Variants in WNK1 observed in about 807,000 individuals in gnomAD.
WNK1 encodes the protein serine/threonine-protein kinase WNK1.
Under a neutral mutation model 222.8 loss-of-function variants are expected in WNK1, and 38 were observed. The observed-to-expected ratio is 0.17, with a 90% CI of 0.13 to 0.22. The LOEUF is 0.22. Ranked by LOEUF, WNK1 falls within the 10% of genes least tolerant of loss-of-function variation. The pLI is 1.00. For missense variants in WNK1, 2,348 were observed against 2,918.4 expected, an observed-to-expected ratio of 0.80 and a Z score of 4.50; for synonymous variants, 1,090 against 1,092.9, an observed-to-expected ratio of 1.00 and a Z score of 0.05.
In WNK1 at chr12:798,284, C is replaced by T. The variant is rs191447457; in HGVS notation, c.760-15358C>T. Among the ~76,000 whole-genome samples the T allele has an allele frequency of 4.9e-3, 749 of 152,026 alleles. 10 individuals carry two copies. The highest frequency in any genetic ancestry group is 0.017 in the African/African-American group (720 of 41,488). On this transcript the variant is annotated intron_variant, in intron 1 of 27. Transcript: ENST00000315939. ...TCGGCTCACTGCAACCTCCGCCTCC[C>T]GGGTTCACGCCATTCTCCCACCTCA...
intron 1 of WNK1, among the ~76,000 whole-genome samples, chr12:786,152 A>C (rs1184931712): frequency 6.6e-6 from 1 of 152,170 alleles, no homozygotes; most frequent in Non-Finnish European, 1.5e-5. Flanking sequence ...TGTATTTGTT[A>C]ATTGTATTGC....
chr12:840,706 C>T (rs1949562521), intron 4 of WNK1, among the ~76,000 whole-genome samples: 3 of 152,150 alleles, frequency 2.0e-5, no homozygotes. Context: ...CATATGTCAC[C>T]AGAACTTTGT....
At chr12:886,502 A>G (rs1298225830) in intron 19 of WNK1, among the ~76,000 whole-genome samples, 1 of 152,190 alleles carries the variant, frequency 6.6e-6, no homozygotes, top group Admixed American at 6.5e-5. Context: ...ACAGTTGTAC[A>G]GTTTGGGGGT....
At chr12:887,580 G>T (rs1450330147) in intron 20 of WNK1, among the ~76,000 whole-genome samples, 1 of 151,958 alleles carries the variant, frequency 6.6e-6, no homozygotes, top group Non-Finnish European at 1.5e-5. Flanking sequence ...CAAACATTTT[G>T]TCAGACCCAT....
chr12:758,222 T>C (rs1940465939), intron 1 of WNK1, among the ~76,000 whole-genome samples: 1 of 146,038 alleles, frequency 6.8e-6, no homozygotes, highest in Admixed American at 6.8e-5. Flanking sequence ...GAAGCTCCAA[T>C]ATACTTAACT....
At chr12:816,068 A>G (rs2154014021) in intron 2 of WNK1, among the ~76,000 whole-genome samples, 1 of 152,318 alleles carries the variant, frequency 6.6e-6, no homozygotes, top group Non-Finnish European at 1.5e-5. Flanking sequence ...CCTTAGAACT[A>G]GGTAGAGAGG....
intron 2 of WNK1, among the ~76,000 whole-genome samples, chr12:815,131 G>C (rs1170424059): frequency 6.6e-6 from 1 of 152,148 alleles, no homozygotes; most frequent in Non-Finnish European, 1.5e-5. Context: ...CTCACCTCCT[G>C]CTGTGTGGCC....
At chr12:845,036 C>G (rs1444997854) in intron 4 of WNK1, among the ~76,000 whole-genome samples, 10 of 149,320 alleles carry the variant, frequency 6.7e-5, no homozygotes, top group Non-Finnish European at 1.0e-4. Flanking sequence ...GCTGGGACTA[C>G]AGGCGCCCGC....
rs1366206953 is a variant in WNK1, at chr12:894,550, T to TA, written c.5510-11dup. 5.0e-6 allele frequency: 8 copies of TA among 1,611,336 alleles called. No homozygotes were observed. Among genetic ancestry groups the TA allele is most frequent in the Non-Finnish European group, 6.8e-6 (8 of 1,177,650 alleles). The stretch of plus-strand genomic sequence containing the variant: ...GACACTTATGTTTTCCTCATCCATG[T>TA]ATTTGTTTCAGTTTCTCAAGTCAAA... On this transcript the variant is annotated splice_polypyrimidine_tract_variant and intron_variant, in intron 22 of 27. Transcript: ENST00000315939.
At chr12:828,799 C>A (rs1286494315) in intron 3 of WNK1, among the ~76,000 whole-genome samples, 1 of 152,140 alleles carries the variant, frequency 6.6e-6, no homozygotes, top group Non-Finnish European at 1.5e-5. Context: ...AACTTGAGGT[C>A]TTCATAAACA....
At chr12:873,325 G>A (rs895816120) in intron 9 of WNK1, among the ~76,000 whole-genome samples, 1 of 151,862 alleles carries the variant, frequency 6.6e-6, no homozygotes, top group East Asian at 1.9e-4. Flanking sequence ...AAAGAAGAGA[G>A]CAGTACCATA....
chr12:833,014 C>CTT (rs71051394), intron 4 of WNK1, among the ~76,000 whole-genome samples: 8 of 147,130 alleles, frequency 5.4e-5, no homozygotes, highest in Non-Finnish European at 9.0e-5. Flanking sequence ...TACATTCTCT[C>CTT]TTTTTTTTTT....
At position 911,266 on chromosome 12, in the gene WNK1, A is replaced by G. The variant is rs11571496; in HGVS notation, c.*2474A>G. The G allele has an allele frequency of 2.7e-3, 1,057 of 398,622 alleles. 4 individuals are homozygous for G. Among genetic ancestry groups the G allele is most frequent in the African/African-American group, 0.019 (913 of 48,750 alleles). 24.7% of individuals were successfully genotyped at this position (398,622 alleles called of 1,614,324 possible). ...AATGTTTTCCTTACATTATTTAACA[A>G]TGTACACTGTTAAAAATAAAAATAA... is the stretch of plus-strand genomic sequence containing the variant. On this transcript the variant is annotated 3_prime_UTR_variant, in exon 28 of 28. Transcript: ENST00000315939.
intron 22 of WNK1, 121 bp from the exon 23 acceptor site, chr12:894,441 C>A: frequency 3.6e-6 from 3 of 824,584 alleles, no homozygotes; most frequent in East Asian, 2.6e-5. Context: ...TAAGGAAGTT[C>A]TCTTTGCCTC....
chr12:882,506 C>T (rs1459821385), intron 14 of WNK1, among the ~76,000 whole-genome samples: 1 of 152,168 alleles, frequency 6.6e-6, no homozygotes, highest in African/African-American at 2.4e-5. Context: ...ATATAGTACT[C>T]TTCTCATTTC....
chr12:783,394 CT>C (rs1279321392), intron 1 of WNK1, among the ~76,000 whole-genome samples: 1 of 151,958 alleles, frequency 6.6e-6, no homozygotes, highest in African/African-American at 2.4e-5. Flanking sequence ...ACATACATGC[CT>C]GAATCCCAGC....
In WNK1 at chr12:754,309, C is replaced by T; in HGVS notation, c.744C>T (p.Ala248=). Residue 248 remains alanine (A), a synonymous_variant, in exon 1 of 28, where the codon GCC becomes GCT. Coordinates refer to ENST00000315939, the MANE Select transcript of WNK1 (RefSeq NM_018979.4). The part of the protein sequence containing the change: ...GLDTETTVEV[A]WCELQDRKLT... The stretch of plus-strand genomic sequence containing the variant: ...ACACTGAAACCACCGTGGAAGTCGC[C>T]TGGTGTGAACTGCAGGTAAAGCCCC... 1 of 1,613,358 alleles carries T rather than the reference C, an allele frequency of 6.2e-7. No individual in the cohort carries two copies. Among genetic ancestry groups the T allele is most frequent in the African/African-American group, 1.3e-5 (1 of 74,932 alleles).
chr12:854,179 G>C (rs532516544), intron 4 of WNK1, among the ~76,000 whole-genome samples: 85 of 151,806 alleles, frequency 5.6e-4, no homozygotes, highest in African/African-American at 1.8e-3. Flanking sequence ...ATTAGCCTGG[G>C]GAACATAGCA....
At chr12:809,679 A>C (rs986446373) in intron 1 of WNK1, among the ~76,000 whole-genome samples, 1 of 152,160 alleles carries the variant, frequency 6.6e-6, no homozygotes, top group Non-Finnish European at 1.5e-5. Context: ...TGAAGTTTTT[A>C]AGAAGAGTTA....
Sources: gnomAD v4.1 joint callset for allele counts (sites outside exome capture counted in the v4.1 genomes callset) on GRCh38, gnomAD v4.1.1 for gene constraint, MANE v1.5 for transcripts, NCBI Gene and HGNC (gene_info 2026-07-23, HGNC 2026-07-21) for gene names.